PALLD: variants seen among roughly 807,000 people sequenced by gnomAD.
PALLD encodes the protein palladin, cytoskeletal associated protein.
In PALLD, 61 loss-of-function variants were observed where a neutral mutation model predicts 123.5. That is an observed-to-expected ratio of 0.49 (90% CI 0.40 to 0.61). The LOEUF (loss-of-function observed/expected upper bound fraction) is 0.61, where lower values mean the gene tolerates loss of function less well. Ranked by LOEUF, PALLD falls within the 20% of genes least tolerant of loss-of-function variation. The probability of loss-of-function intolerance (pLI) is 0.00; values close to 1 mark genes in which losing one functional copy is unlikely to be tolerated. For missense variants in PALLD, 1,273 were observed against 1,377.0 expected (o/e 0.92, Z 1.20); for synonymous variants, 465 against 496.4 (o/e 0.94, Z 0.84).
chr4:168,806,645 A>G (rs1484180072), intron 10 of PALLD, among the ~76,000 whole-genome samples: 1 of 152,212 alleles, frequency 6.6e-6, no homozygotes, highest in Non-Finnish European at 1.5e-5. Flanking sequence ...CATTTTTAAC[A>G]TACAGAATCA....
At chr4:168,681,469 A>G (rs1781539062) in intron 4 of PALLD, 71 bp downstream of exon 4, 2 of 980,758 alleles carry the variant, frequency 2.0e-6, no homozygotes, top group Non-Finnish European at 3.3e-6. Flanking sequence ...GTATGAAACC[A>G]TGTTTGCTGT....
rs1226780710 is a variant in PALLD, at chr4:168,681,334, G to A, written c.1090G>A (p.Ala364Thr). Reference sequence around the variant, plus strand: ...CATTATCTTTAATACTTTCCCAGGTGCCAGTTCAACAGATTCTGACAGTGA... The same window carrying A: ...CATTATCTTTAATACTTTCCCAGGTACCAGTTCAACAGATTCTGACAGTGA... ...TTSAEVFIEG[A>T]SSTDSDSESL... The change falls in exon 4 of 22, where the codon GCC (alanine) becomes ACC (threonine). Residue 364 changes from alanine (A) to threonine (T), a missense_variant and splice_region_variant. This residue lies in a region of PALLD where 944 missense variants were observed against 954.5 expected (regional missense o/e 0.99). Transcript: ENST00000505667. 22 of 1,591,366 alleles carry A rather than the reference G, an allele frequency of 1.4e-5. No individual in the cohort carries two copies. The highest frequency in any genetic ancestry group is 1.8e-5 in the Non-Finnish European group (21 of 1,159,816).
intron 8 of PALLD, among the ~76,000 whole-genome samples, chr4:168,703,784 A>G (rs1783943354): frequency 7.0e-6 from 1 of 143,306 alleles, no homozygotes; most frequent in African/African-American, 2.7e-5. Flanking sequence ...AATTTGTTTG[A>G]GTTCATTGTA....
chr4:168,589,220 C>T (rs1416883441), intron 2 of PALLD, among the ~76,000 whole-genome samples: 1 of 152,182 alleles, frequency 6.6e-6, no homozygotes, highest in Non-Finnish European at 1.5e-5. Context: ...TCACTCTGAT[C>T]CACGTCTGAT....
intron 3 of PALLD, among the ~76,000 whole-genome samples, chr4:168,669,976 TA>T (rs769689389): frequency 1.7e-4 from 26 of 152,182 alleles, no homozygotes; most frequent in Admixed American, 1.2e-3. Context: ...CACCCTATCA[TA>T]CTGATAGGTA....
chr4:168,668,705 C>T (rs372884371), intron 3 of PALLD, among the ~76,000 whole-genome samples: 21 of 152,222 alleles, frequency 1.4e-4, no homozygotes, highest in Admixed American at 5.2e-4. Flanking sequence ...CAAAGTTAAA[C>T]GATAAATGAC....
rs1291175383 is a variant in PALLD, at chr4:168,690,660, C to T, written c.1393C>T (p.Arg465Cys). ...GGTGGTGGTTCTGGAGTGCCGGGTC[C>T]GTGGGGCACCCCCTCTGCAGGTCCA... is the stretch of plus-strand genomic sequence containing the variant. ...GQVVVLECRV[R>C]GAPPLQVQWF... Residue 465 changes from arginine (R) to cysteine (C), a missense_variant, in exon 7 of 22, where the codon CGT becomes TGT. By Grantham distance (180) the Arg-to-Cys change is radical. Around this residue, in one of 2 missense-constraint regions of PALLD, gnomAD observed 944 missense variants for 954.5 expected, o/e 0.99. Transcript: ENST00000505667. 16 of 1,614,070 alleles carry T rather than the reference C, an allele frequency of 9.9e-6. No homozygotes were observed. Among genetic ancestry groups the T allele is most frequent in the African/African-American group, 4.0e-5 (3 of 75,020 alleles).
At position 168,650,643 on chromosome 4, in the gene PALLD, C is replaced by A. The variant is rs556110556; in HGVS notation, c.909-17547C>A. Among the ~76,000 whole-genome samples, 15 of 152,132 alleles carry A rather than the reference C, an allele frequency of 9.9e-5. 1 individual carries two copies. Among genetic ancestry groups the A allele is most frequent in the South Asian group, 2.1e-4 (1 of 4,810 alleles). ...TATGTATCCTAAATTTTGTCAAATT[C>A]TTTTTTTAACAGCTTACACCAAATT... On this transcript the variant is annotated intron_variant, in intron 2 of 21. Coordinates refer to ENST00000505667, the MANE Select transcript of PALLD (RefSeq NM_001166108.2).
chr4:168,646,593 C>T (rs1259254582), intron 2 of PALLD, among the ~76,000 whole-genome samples: 1 of 152,178 alleles, frequency 6.6e-6, no homozygotes, highest in African/African-American at 2.4e-5. Flanking sequence ...TGAAATGGTG[C>T]ACAGGAGGCA....
chr4:168,773,123 A>G (rs1317427001), intron 10 of PALLD, among the ~76,000 whole-genome samples: 1 of 152,194 alleles, frequency 6.6e-6, no homozygotes, highest in Non-Finnish European at 1.5e-5. Context: ...GTAACAAGTA[A>G]AATTAGTATT....
intron 10 of PALLD, among the ~76,000 whole-genome samples, chr4:168,751,851 A>G (rs1731102524): frequency 6.6e-6 from 1 of 152,224 alleles, no homozygotes; most frequent in Admixed American, 6.5e-5. Flanking sequence ...GTAGAGGGAC[A>G]GGACATAAGG....
At chr4:168,766,752 A>G (rs1355083286) in intron 10 of PALLD, among the ~76,000 whole-genome samples, 1 of 152,222 alleles carries the variant, frequency 6.6e-6, no homozygotes, top group African/African-American at 2.4e-5. Flanking sequence ...CTTATCAACT[A>G]TGAAGCTGTT....
intron 10 of PALLD, among the ~76,000 whole-genome samples, chr4:168,887,921 A>AC (rs1420914503): frequency 6.6e-6 from 1 of 152,196 alleles, no homozygotes; most frequent in Non-Finnish European, 1.5e-5. Flanking sequence ...CACTGTGATT[A>AC]ACAAAGGAGC....
At chr4:168,554,283 G>A (rs1767046025) in intron 2 of PALLD, among the ~76,000 whole-genome samples, 1 of 152,006 alleles carries the variant, frequency 6.6e-6, no homozygotes, top group Non-Finnish European at 1.5e-5. Flanking sequence ...ATATTTCCTG[G>A]AACTCCTTAT....
intron 10 of PALLD, among the ~76,000 whole-genome samples, chr4:168,767,878 T>A (rs987021327): frequency 2.0e-5 from 3 of 152,142 alleles, no homozygotes; most frequent in Non-Finnish European, 4.4e-5. Flanking sequence ...TTACCCTCAG[T>A]GGAAGACCTC....
At chr4:168,866,286 TA>T (rs1010124406) in intron 10 of PALLD, among the ~76,000 whole-genome samples, 1 of 152,178 alleles carries the variant, frequency 6.6e-6, no homozygotes, top group African/African-American at 2.4e-5. Flanking sequence ...AACACATAAG[TA>T]AATACCAAAC....
intron 8 of PALLD, among the ~76,000 whole-genome samples, chr4:168,692,747 A>C (rs755810988): frequency 6.6e-6 from 1 of 152,208 alleles, no homozygotes; most frequent in Non-Finnish European, 1.5e-5. Context: ...AATTGTAAAA[A>C]TGTTACTGCT....
chr4:168,905,391 G>A (rs972693683), intron 15 of PALLD, among the ~76,000 whole-genome samples: 2 of 151,318 alleles, frequency 1.3e-5, no homozygotes, highest in South Asian at 2.1e-4. Flanking sequence ...CTCGTGATCC[G>A]CCCGCCTCGG....
intron 10 of PALLD, among the ~76,000 whole-genome samples, chr4:168,769,776 C>T (rs559366874): frequency 8.5e-5 from 13 of 152,248 alleles, no homozygotes; most frequent in South Asian, 4.1e-4. Flanking sequence ...TTGAAAGGGC[C>T]AGAGGGCAGG....
Sources: allele counts gnomAD v4.1 joint callset (sites outside exome capture counted in the v4.1 genomes callset), GRCh38; gene constraint gnomAD v4.1.1; regional missense constraint gnomAD v4.1.1; transcripts MANE v1.5; gene names NCBI Gene and HGNC (gene_info 2026-07-23, HGNC 2026-07-21).